The following EEPD1 variants were observed in gnomAD, a reference collection of about 807,000 sequenced individuals.
EEPD1 encodes the protein endonuclease/exonuclease/phosphatase family domain-containing protein 1.
A neutral mutation model predicts 46.3 loss-of-function variants in EEPD1; 17 were observed. The ratio of observed to expected loss-of-function variants is 0.37; its 90% CI spans 0.25 to 0.55. The LOEUF is 0.55. Ranked by LOEUF, EEPD1 falls within the 20% of genes least tolerant of loss-of-function variation. The probability of loss-of-function intolerance (pLI) is 0.83; values close to 1 mark genes in which losing one functional copy is unlikely to be tolerated. For synonymous variants in EEPD1, 313 were observed against 315.6 expected (o/e 0.99, Z 0.09); for missense variants, 673 against 745.6 (o/e 0.90, Z 1.13).
intron 2 of EEPD1, among the ~76,000 whole-genome samples, chr7:36,208,742 C>T (rs1460853548): frequency 3.9e-5 from 6 of 152,182 alleles, no homozygotes; most frequent in African/African-American, 1.4e-4. Context: ...AGTACTTTTC[C>T]TGTGTATTCC....
chr7:36,282,890 A>T (rs1357749795), intron 4 of EEPD1, among the ~76,000 whole-genome samples: 1 of 152,240 alleles, frequency 6.6e-6, no homozygotes, highest in Non-Finnish European at 1.5e-5. Context: ...AATTTTAAAG[A>T]TGAACAGATA....
chr7:36,285,305 TC>T (rs1481962046), intron 5 of EEPD1, among the ~76,000 whole-genome samples: 2 of 152,184 alleles, frequency 1.3e-5, no homozygotes, highest in Non-Finnish European at 2.9e-5. Context: ...AGGAGCCCCT[TC>T]TTATCGGCTG....
chr7:36,208,310 G>A (rs1373680533), intron 2 of EEPD1, among the ~76,000 whole-genome samples: 1 of 152,182 alleles, frequency 6.6e-6, no homozygotes, highest in Non-Finnish European at 1.5e-5. Context: ...ACTGGATCCT[G>A]TATTCCCCCT....
chr7:36,161,172 C>T (rs920721803), intron 2 of EEPD1, among the ~76,000 whole-genome samples: 3 of 152,148 alleles, frequency 2.0e-5, no homozygotes, highest in African/African-American at 7.2e-5. Context: ...AGGAGAGGTT[C>T]GCATACATTC....
intron 3 of EEPD1, among the ~76,000 whole-genome samples, chr7:36,241,653 G>A (rs574222164): frequency 1.2e-4 from 18 of 151,958 alleles, no homozygotes; most frequent in Non-Finnish European, 2.6e-4. Context: ...GATCATTTGA[G>A]GTCAGGAGTT....
chr7:36,218,412 A>G (rs1039947603), intron 2 of EEPD1, among the ~76,000 whole-genome samples: 2 of 150,886 alleles, frequency 1.3e-5, no homozygotes, highest in East Asian at 1.9e-4. Context: ...AAAAAAAATT[A>G]TAACAATAGA....
At chr7:36,232,714 G>T (rs868022741) in intron 2 of EEPD1, among the ~76,000 whole-genome samples, 1 of 151,142 alleles carries the variant, frequency 6.6e-6, no homozygotes, top group Non-Finnish European at 1.5e-5. Context: ...GGAGAGTTCT[G>T]TGGAGGCTGG....
chr7:36,239,150 A>G (rs1786509417), intron 3 of EEPD1, 114 bp downstream of exon 3: 3 of 1,037,454 alleles, frequency 2.9e-6, no homozygotes, highest in Non-Finnish European at 4.4e-6. Context: ...ACGGTCAGTT[A>G]TTTTGTATTC....
intron 3 of EEPD1, among the ~76,000 whole-genome samples, chr7:36,251,214 CTTCCTAAACCTCCAA>C (rs1356247583): frequency 1.3e-5 from 2 of 152,196 alleles, no homozygotes; most frequent in African/African-American, 4.8e-5. Flanking sequence ...AAATGTAGGT[CTTCCTAAACCTCCAA>C]TTGTGCTGGC....
At chr7:36,259,516 T>C (rs1486919774) in intron 3 of EEPD1, among the ~76,000 whole-genome samples, 2 of 152,068 alleles carry the variant, frequency 1.3e-5, no homozygotes, top group African/African-American at 4.8e-5. Context: ...TATATATAAT[T>C]TTTTTTCTTT....
intron 2 of EEPD1, among the ~76,000 whole-genome samples, chr7:36,221,609 T>A (rs1359182240): frequency 6.6e-6 from 1 of 152,172 alleles, no homozygotes; most frequent in Non-Finnish European, 1.5e-5. Flanking sequence ...AGGTTGTGGG[T>A]CAATCATTTA....
At chr7:36,257,999 A>T (rs1161012746) in intron 3 of EEPD1, among the ~76,000 whole-genome samples, 3 of 152,078 alleles carry the variant, frequency 2.0e-5, no homozygotes, top group Non-Finnish European at 4.4e-5. Flanking sequence ...TGACCTTCAG[A>T]TGGGGTTTTC....
chr7:36,298,222 C>T (rs196609), intron 7 of EEPD1, among the ~76,000 whole-genome samples: 119,617 of 152,214 alleles, frequency 0.79, 49,278 homozygotes, highest in East Asian at 0.96. Context: ...CTTTGCAGGC[C>T]CCCAGGAAGG....
intron 3 of EEPD1, among the ~76,000 whole-genome samples, chr7:36,251,987 A>G (rs970407174): frequency 3.3e-5 from 5 of 152,274 alleles, no homozygotes; most frequent in African/African-American, 4.8e-5. Flanking sequence ...AAGGAAATCA[A>G]TCCTGCTCGG....
chr7:36,165,849 T>A (rs1044255200), intron 2 of EEPD1, among the ~76,000 whole-genome samples: 2 of 152,198 alleles, frequency 1.3e-5, no homozygotes, highest in Non-Finnish European at 2.9e-5. Flanking sequence ...TGATACATTG[T>A]CCAATTTCCC....
rs1554313388 is a variant in EEPD1 at position 36,198,343 on chromosome 7, A to AAAAAAAAAAAAAAAAG, written c.879-40638_879-40623dup. On this transcript the variant is annotated intron_variant, in intron 2 of 7. Coordinates refer to ENST00000242108, the MANE Select transcript of EEPD1 (RefSeq NM_030636.3). ...TCTTAAGAAAAAAAAAAAAGAAAAGAAAAAAAAAAAAAAAAGAAAGATATT... is the reference window on the plus strand; with the variant it reads ...TCTTAAGAAAAAAAAAAAAGAAAAGAAAAAAAAAAAAAAAAGAAAAAAAAAAAAAAAGAAAGATATT... Among the ~76,000 whole-genome samples, 783 of 107,446 alleles carry AAAAAAAAAAAAAAAAG rather than the reference A, an allele frequency of 7.3e-3. 4 individuals carry two copies. Among genetic ancestry groups the AAAAAAAAAAAAAAAAG allele is most frequent in the East Asian group, 9.4e-3 (36 of 3,842 alleles). 70.5% of individuals were successfully genotyped at this position (107,446 alleles called of 152,430 possible).
intron 2 of EEPD1, among the ~76,000 whole-genome samples, chr7:36,222,404 G>T (rs10277543): frequency 0.11 from 17,144 of 152,114 alleles, 1,018 homozygotes; most frequent in East Asian, 0.21. Flanking sequence ...AAGAGGAGGG[G>T]TTGGTCTTGT....
chr7:36,196,940 G>C (rs6462658), intron 2 of EEPD1, among the ~76,000 whole-genome samples: 110,685 of 145,166 alleles, frequency 0.76, 42,332 homozygotes, highest in East Asian at 0.86. Flanking sequence ...CGCCTCTTCC[G>C]GGCCGCCATC....
In EEPD1 at chr7:36,287,651, G is replaced by A. The variant is rs372191625; in HGVS notation, c.1189G>A (p.Asp397Asn). The A allele has an allele frequency of 3.1e-6, 5 of 1,613,912 alleles. No homozygotes were observed. The highest frequency in any genetic ancestry group is 2.2e-5 in the East Asian group (1 of 44,880). The change falls in exon 6 of 8, where the codon GAC becomes AAC. Residue 397 changes from aspartate (D) to asparagine (N), a missense_variant. Coordinates refer to ENST00000242108, the MANE Select transcript of EEPD1 (RefSeq NM_030636.3). The stretch of plus-strand genomic sequence containing the variant: ...TCCTGCTGCCTAGGTGGGAAGTCAC[G>A]ACCTGACCCTTGTTAACCTTCACCT... ...YLGRFKVGSH[D>N]LTLVNLHLAA...
Sources: gnomAD v4.1 joint callset for allele counts (sites outside exome capture counted in the v4.1 genomes callset) on GRCh38, gnomAD v4.1.1 for gene constraint, MANE v1.5 for transcripts, NCBI Gene and HGNC (gene_info 2026-07-23, HGNC 2026-07-21) for gene names.